The following GPC6 variants were observed in gnomAD, a reference collection of about 807,000 sequenced individuals.
GPC6 encodes the protein glypican 6, also known as glypican-6.
A neutral mutation model predicts 55.2 loss-of-function variants in GPC6; 14 were observed. The observed-to-expected ratio is 0.25, with a 90% confidence interval of 0.17 to 0.40. The LOEUF (loss-of-function observed/expected upper bound fraction) is 0.40. Ranked by LOEUF, GPC6 falls within the 10% of genes least tolerant of loss-of-function variation. The pLI is 1.00. For synonymous variants in GPC6, 278 were observed against 259.6 expected (o/e 1.07, Z -0.68); for missense variants, 641 against 708.5 (o/e 0.90, Z 1.08).
chr13:94,118,322 A>C (rs563849130), intron 4 of GPC6, among the ~76,000 whole-genome samples: 1 of 152,172 alleles, frequency 6.6e-6, no homozygotes, highest in South Asian at 2.1e-4. Context: ...TCCTGCTGCC[A>C]TATGAAAATG....
At chr13:93,347,594 A>G (rs918467564) in intron 1 of GPC6, among the ~76,000 whole-genome samples, 4 of 152,176 alleles carry the variant, frequency 2.6e-5, no homozygotes, top group Non-Finnish European at 5.9e-5. Context: ...ATCATGCCCA[A>G]TCGAACAAAC....
chr13:93,332,264 T>C (rs999487933), intron 1 of GPC6, among the ~76,000 whole-genome samples: 1 of 148,820 alleles, frequency 6.7e-6, no homozygotes, highest in Non-Finnish European at 1.5e-5. Context: ...TGTTTTTCTT[T>C]TTTTTTTTTT....
intron 6 of GPC6, among the ~76,000 whole-genome samples, chr13:94,373,652 C>G (rs1386780574): frequency 2.0e-5 from 3 of 152,028 alleles, no homozygotes; most frequent in Non-Finnish European, 4.4e-5. Flanking sequence ...AGGATATTAT[C>G]CAGGAGAACT....
chr13:93,993,790 T>C (rs118099707), intron 3 of GPC6, among the ~76,000 whole-genome samples: 288 of 152,328 alleles, frequency 1.9e-3, no homozygotes, highest in Non-Finnish European at 3.5e-3. Flanking sequence ...TAAATCCAAT[T>C]TAGCCATTAC....
intron 2 of GPC6, among the ~76,000 whole-genome samples, chr13:93,559,428 C>T (rs1566423736): frequency 6.6e-6 from 1 of 152,116 alleles, no homozygotes; most frequent in African/African-American, 2.4e-5. Context: ...TAACCAACAA[C>T]CGTGCTGGGC....
chr13:93,593,552 G>A (rs1253807437), intron 2 of GPC6, among the ~76,000 whole-genome samples: 1 of 152,020 alleles, frequency 6.6e-6, no homozygotes, highest in African/African-American at 2.4e-5. Flanking sequence ...TAATAAACTA[G>A]ATCTAGTTTG....
rs1204335860 is a variant in GPC6, at chr13:93,733,034, G to A, written c.320-97120G>A. ...AATGGCTACCATATTGCACAGGGCA[G>A]ACTAAAGCTTCTCCTCTACTTGGTT... On this transcript the variant is annotated intron_variant, in intron 2 of 8. Coordinates refer to ENST00000377047, the MANE Select transcript of GPC6 (RefSeq NM_005708.5). Among the ~76,000 whole-genome samples the A allele has an allele frequency of 3.3e-5, 5 of 152,000 alleles. No individual in the cohort carries two copies. In the South Asian group the frequency reaches 6.2e-4, roughly 19 times the overall value.
chr13:94,243,354 G>C (rs1057351526), intron 4 of GPC6, among the ~76,000 whole-genome samples: 1 of 152,028 alleles, frequency 6.6e-6, no homozygotes, highest in Non-Finnish European at 1.5e-5. Context: ...ACAAGACTGA[G>C]ATGATGTCTT....
At chr13:93,974,949 G>A (rs1168814072) in intron 3 of GPC6, among the ~76,000 whole-genome samples, 1 of 152,158 alleles carries the variant, frequency 6.6e-6, no homozygotes, top group Non-Finnish European at 1.5e-5. Flanking sequence ...CAGAAAGCCA[G>A]GATGCAGAGC....
At chr13:93,942,086 T>A (rs1878765554) in intron 3 of GPC6, among the ~76,000 whole-genome samples, 1 of 152,146 alleles carries the variant, frequency 6.6e-6, no homozygotes, top group South Asian at 2.1e-4. Flanking sequence ...TTTTACTACA[T>A]AAGAAAAATT....
chr13:94,246,013 C>G (rs898728428), intron 4 of GPC6, among the ~76,000 whole-genome samples: 2 of 152,104 alleles, frequency 1.3e-5, no homozygotes, highest in African/African-American at 4.8e-5. Flanking sequence ...TCTCCGCACC[C>G]TTGACAACAC....
At chr13:94,103,614 A>C (rs1224536332) in intron 4 of GPC6, among the ~76,000 whole-genome samples, 1 of 152,096 alleles carries the variant, frequency 6.6e-6, no homozygotes, top group Non-Finnish European at 1.5e-5. Context: ...TGTGGTTTTG[A>C]TTTGCATTTC....
intron 4 of GPC6, among the ~76,000 whole-genome samples, chr13:94,205,525 T>C (rs1216191801): frequency 1.3e-5 from 2 of 152,086 alleles, no homozygotes; most frequent in East Asian, 1.9e-4. Flanking sequence ...CCTAGAAAAA[T>C]TTCCAAGCCT....
At chr13:93,346,002 C>T (rs961610292) in intron 1 of GPC6, among the ~76,000 whole-genome samples, 5 of 152,080 alleles carry the variant, frequency 3.3e-5, no homozygotes, top group East Asian at 1.9e-4. Context: ...TTTAAAATTC[C>T]GTAGTTAATC....
chr13:93,668,310 A>G (rs1247096912), intron 2 of GPC6, among the ~76,000 whole-genome samples: 1 of 152,222 alleles, frequency 6.6e-6, no homozygotes, highest in African/African-American at 2.4e-5. Context: ...TTAATTGTGT[A>G]AAAAGTTGCC....
chr13:93,757,550 C>T (rs1201898507), intron 2 of GPC6, among the ~76,000 whole-genome samples: 1 of 152,184 alleles, frequency 6.6e-6, no homozygotes, highest in Non-Finnish European at 1.5e-5. Flanking sequence ...AGCAAAATAA[C>T]CTCCCTTTGT....
intron 1 of GPC6, among the ~76,000 whole-genome samples, chr13:93,458,558 A>C (rs2813628): frequency 0.18 from 27,955 of 152,102 alleles, 3,097 homozygotes; most frequent in East Asian, 0.48. Flanking sequence ...GATTGAATAG[A>C]TGTAATAAGT....
intron 4 of GPC6, among the ~76,000 whole-genome samples, chr13:94,193,624 A>C (rs1453977035): frequency 6.6e-6 from 1 of 152,150 alleles, no homozygotes; most frequent in East Asian, 1.9e-4. Context: ...AAGGGTTCGC[A>C]GTGTCGCTTG....
At chr13:94,088,317 A>C (rs1470966354) in intron 4 of GPC6, among the ~76,000 whole-genome samples, 1 of 152,292 alleles carries the variant, frequency 6.6e-6, no homozygotes, top group Non-Finnish European at 1.5e-5. Context: ...AAGGAATTAT[A>C]ATAATTTAAT....
Sources: allele counts gnomAD v4.1 joint callset (sites outside exome capture counted in the v4.1 genomes callset), GRCh38; gene constraint gnomAD v4.1.1; transcripts MANE v1.5; gene names NCBI Gene and HGNC (gene_info 2026-07-23, HGNC 2026-07-21).